The following KIAA1958 variants were observed in gnomAD, a reference collection of about 807,000 sequenced individuals.
KIAA1958 encodes the protein uncharacterized protein KIAA1958.
Under a neutral mutation model 47.2 loss-of-function variants are expected in KIAA1958, and 14 were observed. The observed-to-expected ratio is 0.30, with a 90% CI of 0.20 to 0.46. The LOEUF is 0.46. Ranked by LOEUF, KIAA1958 falls within the 20% of genes least tolerant of loss-of-function variation. The pLI is 1.00. For missense variants in KIAA1958, 803 were observed against 909.2 expected, an observed-to-expected ratio of 0.88 and a Z score of 1.50; for synonymous variants, 354 against 353.3, an observed-to-expected ratio of 1.00 and a Z score of -0.02.
chr9:112,537,709 T>C (rs1330986447), intron 1 of KIAA1958, among the ~76,000 whole-genome samples: 4 of 152,238 alleles, frequency 2.6e-5, no homozygotes, highest in African/African-American at 9.6e-5. Context: ...GGAATTAGTG[T>C]GATAACCACT....
At chr9:112,606,187 G>A (rs1044952115) in intron 2 of KIAA1958, among the ~76,000 whole-genome samples, 1 of 152,142 alleles carries the variant, frequency 6.6e-6, no homozygotes, top group Non-Finnish European at 1.5e-5. Context: ...ACCTGGGTAG[G>A]TGGTGGAAAC....
intron 1 of KIAA1958, among the ~76,000 whole-genome samples, chr9:112,501,381 C>T (rs1270791531): frequency 1.3e-5 from 2 of 151,736 alleles, no homozygotes; most frequent in Admixed American, 6.6e-5. Context: ...AGTTCAAGGC[C>T]ATGGTGAGCT....
chr9:112,660,117 C>G lies in KIAA1958; in HGVS notation c.*48C>G, dbSNP rs1588057973. On this transcript the variant is annotated 3_prime_UTR_variant, in exon 4 of 4. Coordinates refer to ENST00000337530, the MANE Select transcript of KIAA1958 (RefSeq NM_133465.4). The stretch of plus-strand genomic sequence containing the variant: ...TGCCCTGTCACCTGCTCGGGCCAGC[C>G]AGGGTTGGAGCAGCTGGAGCTCCTT... 1 of 1,546,890 alleles carries G rather than the reference C, an allele frequency of 6.5e-7. No individual in the cohort carries two copies. The highest frequency in any genetic ancestry group is 1.4e-5 in the African/African-American group (1 of 73,794).
chr9:112,607,103 T>A lies in KIAA1958; in HGVS notation c.1171+31852T>A, dbSNP rs369089081. ...CAGGGGCTGTGGTTCATGCCTGTAA[T>A]CCCAACACTTTGGGAGGCCGAGGTG... is the stretch of plus-strand genomic sequence containing the variant. On this transcript the variant is annotated intron_variant, in intron 2 of 3. Coordinates refer to ENST00000337530, the MANE Select transcript of KIAA1958 (RefSeq NM_133465.4). Among the ~76,000 whole-genome samples, 44 of 152,298 alleles carry A rather than the reference T, an allele frequency of 2.9e-4. No homozygotes were observed. The East Asian group carries it at 3.5e-3, about 12-fold the overall frequency.
chr9:112,635,277 G>A (rs28671461), intron 2 of KIAA1958, among the ~76,000 whole-genome samples: 2,000 of 148,942 alleles, frequency 0.013, 44 homozygotes, highest in African/African-American at 0.043. Flanking sequence ...TTGAGACAGG[G>A]TCTGGCTTTG....
chr9:112,645,567 C>A (rs1283353662), intron 2 of KIAA1958, 83 bp from the exon 3 acceptor site: 17 of 898,378 alleles, frequency 1.9e-5, no homozygotes, highest in Non-Finnish European at 2.7e-5. Context: ...TTAGAGTTTT[C>A]TGTTATTTAT....
chr9:112,581,473 T>C (rs1835734013), intron 2 of KIAA1958, among the ~76,000 whole-genome samples: 1 of 152,144 alleles, frequency 6.6e-6, no homozygotes, highest in South Asian at 2.1e-4. Flanking sequence ...GGGAGCACAT[T>C]AGAAATGCAG....
chr9:112,652,691 C>T (rs1432729209), intron 3 of KIAA1958, among the ~76,000 whole-genome samples: 1 of 152,132 alleles, frequency 6.6e-6, no homozygotes, highest in Non-Finnish European at 1.5e-5. Flanking sequence ...GTGATCTTGG[C>T]TTACTGCAGC....
At chr9:112,636,492 T>C (rs909121325) in intron 2 of KIAA1958, among the ~76,000 whole-genome samples, 3 of 152,170 alleles carry the variant, frequency 2.0e-5, no homozygotes, top group Non-Finnish European at 2.9e-5. Flanking sequence ...AATCTCTTAA[T>C]CATAGATTTG....
chr9:112,571,161 C>T (rs1284359434), intron 1 of KIAA1958, among the ~76,000 whole-genome samples: 1 of 152,236 alleles, frequency 6.6e-6, no homozygotes, highest in Non-Finnish European at 1.5e-5. Flanking sequence ...CTTACAGACA[C>T]ACCCCCAAAT....
chr9:112,564,940 T>C (rs966875751), intron 1 of KIAA1958, among the ~76,000 whole-genome samples: 1 of 152,194 alleles, frequency 6.6e-6, no homozygotes, highest in Non-Finnish European at 1.5e-5. Flanking sequence ...ATGAGGATAA[T>C]TAATTTAGTC....
intron 3 of KIAA1958, among the ~76,000 whole-genome samples, chr9:112,654,912 C>T (rs1837123196): frequency 6.6e-6 from 1 of 152,066 alleles, no homozygotes; most frequent in Admixed American, 6.5e-5. Context: ...TTTTCCTTTC[C>T]CATATACATG....
chr9:112,522,539 T>C (rs1299156525), intron 1 of KIAA1958, among the ~76,000 whole-genome samples: 1 of 152,164 alleles, frequency 6.6e-6, no homozygotes, highest in East Asian at 1.9e-4. Context: ...CCTGGGTCTT[T>C]GTTGGGGCCA....
chr9:112,613,797 G>A (rs943526994), intron 2 of KIAA1958, among the ~76,000 whole-genome samples: 2 of 152,174 alleles, frequency 1.3e-5, no homozygotes, highest in Non-Finnish European at 2.9e-5. Context: ...AGATAATGGA[G>A]CACCTTTTCC....
intron 1 of KIAA1958, among the ~76,000 whole-genome samples, chr9:112,523,059 A>G (rs139217588): frequency 3.3e-5 from 5 of 152,336 alleles, no homozygotes; most frequent in African/African-American, 1.2e-4. Context: ...TACCCACAGC[A>G]CAGCTAGATA....
At chr9:112,582,742 A>G (rs1215242579) in intron 2 of KIAA1958, among the ~76,000 whole-genome samples, 2 of 151,728 alleles carry the variant, frequency 1.3e-5, no homozygotes, top group Non-Finnish European at 2.9e-5. Context: ...AAAAACAGAC[A>G]AAAAAACCGA....
chr9:112,634,180 G>C (rs776902228), intron 2 of KIAA1958, among the ~76,000 whole-genome samples: 5 of 152,166 alleles, frequency 3.3e-5, no homozygotes, highest in Non-Finnish European at 7.3e-5. Flanking sequence ...TTCAGTGAGT[G>C]TATTTTATGT....
At chr9:112,535,527 A>G (rs566143607) in intron 1 of KIAA1958, among the ~76,000 whole-genome samples, 97 of 151,998 alleles carry the variant, frequency 6.4e-4, no homozygotes, top group Middle Eastern at 3.4e-3. Context: ...GCTGTTGTGG[A>G]TAATGCTGCA....
At chr9:112,635,472 A>G (rs1162170236) in intron 2 of KIAA1958, among the ~76,000 whole-genome samples, 1 of 152,038 alleles carries the variant, frequency 6.6e-6, no homozygotes, top group Non-Finnish European at 1.5e-5. Context: ...CACTGGTCTC[A>G]AACTCCTCAG....
Sources: allele counts gnomAD v4.1 joint callset (sites outside exome capture counted in the v4.1 genomes callset), GRCh38; gene constraint gnomAD v4.1.1; transcripts MANE v1.5; gene names NCBI Gene and HGNC (gene_info 2026-07-23, HGNC 2026-07-21).